ACYP2: variants seen among roughly 807,000 people sequenced by gnomAD.
ACYP2 encodes the protein acylphosphatase 2.
A neutral mutation model predicts 11.2 loss-of-function variants in ACYP2; 12 were observed. The observed-to-expected ratio is 1.08, with a 90% CI of 0.69 to 1.74. ACYP2 has a LOEUF of 1.74. Among genes scored for constraint, ACYP2 ranks in the 40% most tolerant of loss-of-function variants. The pLI is 0.00. For synonymous variants in ACYP2, 43 were observed against 32.2 expected (o/e 1.33, Z -1.13); for missense variants, 134 against 101.9 (o/e 1.31, Z -1.35).
chr2:54,039,780 G>A (rs188142553), intron 2 of ACYP2, among the ~76,000 whole-genome samples: 26 of 144,186 alleles, frequency 1.8e-4, no homozygotes, highest in African/African-American at 6.4e-4. Flanking sequence ...TGTTTTTATC[G>A]GTGTCACTCA....
intron 6 of ACYP2, among the ~76,000 whole-genome samples, chr2:54,149,203 C>CT (rs1572857039): frequency 6.6e-6 from 1 of 152,092 alleles, no homozygotes; most frequent in Non-Finnish European, 1.5e-5. Context: ...ATTAAATTGC[C>CT]TTTAAAAAAA....
intron 2 of ACYP2, among the ~76,000 whole-genome samples, chr2:54,015,412 G>GCAGGA (rs1390825986): frequency 6.6e-6 from 1 of 152,076 alleles, no homozygotes; most frequent in African/African-American, 2.4e-5. Context: ...GGAGGCTGAG[G>GCAGGA]CAGGAGACTC....
intron 1 of ACYP2, among the ~76,000 whole-genome samples, chr2:53,972,667 G>A (rs1474397152): frequency 6.6e-6 from 1 of 152,220 alleles, no homozygotes; most frequent in Admixed American, 6.5e-5. Flanking sequence ...GACAAGATTG[G>A]GAACTGGAGG....
intron 6 of ACYP2, chr2:54,143,366 T>C (rs1375436721): frequency 6.6e-6 from 1 of 152,242 alleles, no homozygotes; most frequent in Admixed American, 6.5e-5. Context: ...TATTGCTGAA[T>C]TGCCAAGTAT....
intron 6 of ACYP2, among the ~76,000 whole-genome samples, chr2:54,159,164 C>T (rs1405325378): frequency 6.7e-6 from 1 of 150,248 alleles, no homozygotes; most frequent in Non-Finnish European, 1.5e-5. Context: ...AGTCAAGCTC[C>T]CTGGGCTTTA....
chr2:54,004,442 G>T (rs1456696634), intron 2 of ACYP2, among the ~76,000 whole-genome samples: 1 of 119,086 alleles, frequency 8.4e-6, no homozygotes, highest in Non-Finnish European at 1.6e-5. Context: ...ACAGAGTCTC[G>T]CTCTATCGCC....
chr2:54,304,649 T>C, intron 6 of ACYP2, 39 bp from the exon 4 acceptor site: 1 of 1,474,566 alleles, frequency 6.8e-7, no homozygotes, highest in South Asian at 1.2e-5. Flanking sequence ...CATGTATACT[T>C]TGTATGCTAA....
At chr2:54,225,181 G>A (rs1685961068) in intron 6 of ACYP2, among the ~76,000 whole-genome samples, 2 of 152,062 alleles carry the variant, frequency 1.3e-5, no homozygotes, top group African/African-American at 4.8e-5. Flanking sequence ...ACAGTCCTTC[G>A]CCCTCAAGAA....
chr2:54,086,448 G>C (rs911409270), intron 4 of ACYP2, among the ~76,000 whole-genome samples: 6 of 152,194 alleles, frequency 3.9e-5, no homozygotes, highest in Non-Finnish European at 8.8e-5. Flanking sequence ...CTTGGCTCAT[G>C]AGTCTCACAA....
chr2:54,232,517 A>G (rs1469192302), intron 6 of ACYP2, among the ~76,000 whole-genome samples: 1 of 152,194 alleles, frequency 6.6e-6, no homozygotes, highest in East Asian at 1.9e-4. Context: ...TCGCATGGGC[A>G]TCATGGAGCA....
intron 6 of ACYP2, among the ~76,000 whole-genome samples, chr2:54,164,681 A>G (rs1372074160): frequency 6.6e-6 from 1 of 152,178 alleles, no homozygotes; most frequent in African/African-American, 2.4e-5. Flanking sequence ...TCTTGTGGCA[A>G]ACAGCGTTTT....
chr2:54,240,861 C>A (rs1055660789), intron 6 of ACYP2, among the ~76,000 whole-genome samples: 2 of 152,150 alleles, frequency 1.3e-5, no homozygotes, highest in Non-Finnish European at 2.9e-5. Context: ...GTCCCTTTCA[C>A]CTTTGACACA....
At chr2:54,093,926 C>A (rs764055647) in intron 4 of ACYP2, among the ~76,000 whole-genome samples, 24 of 148,866 alleles carry the variant, frequency 1.6e-4, no homozygotes, top group Middle Eastern at 6.8e-3. Flanking sequence ...GGTGACAGAA[C>A]GAGACTCTGT....
intron 6 of ACYP2, among the ~76,000 whole-genome samples, chr2:54,191,416 C>A (rs146689065): frequency 9.8e-4 from 150 of 152,288 alleles, no homozygotes; most frequent in Non-Finnish European, 1.6e-3. Context: ...GCTCTTCCCG[C>A]TGACATGCAG....
intron 6 of ACYP2, among the ~76,000 whole-genome samples, chr2:54,283,455 A>G (rs922624621): frequency 2.0e-5 from 3 of 152,178 alleles, no homozygotes; most frequent in African/African-American, 7.2e-5. Context: ...CTTTACATAT[A>G]TTAACTCCTT....
At chr2:54,280,532 C>T (rs1461446102) in intron 6 of ACYP2, among the ~76,000 whole-genome samples, 1 of 152,062 alleles carries the variant, frequency 6.6e-6, no homozygotes, top group East Asian at 1.9e-4. Flanking sequence ...CTAGAGATCA[C>T]CAAAAGGATT....
chr2:54,254,978 G>C, intron 6 of ACYP2: 1 of 1,614,070 alleles, frequency 6.2e-7, no homozygotes, highest in Non-Finnish European at 8.5e-7. Flanking sequence ...ACCAGGCGAC[G>C]TCTAGCTCTA....
intron 6 of ACYP2, among the ~76,000 whole-genome samples, chr2:54,163,706 A>G (rs1296402116): frequency 6.6e-6 from 1 of 152,128 alleles, no homozygotes; most frequent in African/African-American, 2.4e-5. Flanking sequence ...AATACAAAAA[A>G]TTAGCCAGGT....
At chr2:54,283,525 A>G (rs936179942) in intron 6 of ACYP2, among the ~76,000 whole-genome samples, 1 of 152,234 alleles carries the variant, frequency 6.6e-6, no homozygotes, top group African/African-American at 2.4e-5. Context: ...ACTCAGATTA[A>G]GACCCTGAGA....
Sources: allele counts gnomAD v4.1 joint callset (sites outside exome capture counted in the v4.1 genomes callset), GRCh38; gene constraint gnomAD v4.1.1; transcripts MANE v1.5; gene names NCBI Gene and HGNC (gene_info 2026-07-23, HGNC 2026-07-21).